COL9A3: variants seen among roughly 807,000 people sequenced by gnomAD.
COL9A3 encodes the protein collagen type IX alpha 3 chain.
COL9A3 carries 82 observed loss-of-function variants against 110.2 expected under a neutral mutation model. The ratio of observed to expected loss-of-function variants is 0.74; its 90% confidence interval spans 0.62 to 0.89. The LOEUF is 0.89. COL9A3 is among the 40% of genes least tolerant of loss of function. COL9A3 has a pLI of 0.00. For missense variants in COL9A3, 1,066 were observed against 981.3 expected (o/e 1.09, Z -1.15); for synonymous variants, 494 against 403.8 (o/e 1.22, Z -2.68).
At chr20:62,819,494 C>T (rs1315701421) in intron 4 of COL9A3, among the ~76,000 whole-genome samples, 1 of 152,254 alleles carries the variant, frequency 6.6e-6, no homozygotes, top group Non-Finnish European at 1.5e-5. Flanking sequence ...CAGAGCCAGC[C>T]CAGTGGAGTC....
At position 62,818,680 on chromosome 20, in the gene COL9A3, A is replaced by G. The variant is rs1219516515; in HGVS notation, c.183+127A>G. ...CCCGGGTTGCCTGAGGGGAGGCCTC[A>G]GAGGGCTTGGAGCAGGCCTGGAGCC... On this transcript the variant is annotated intron_variant, in intron 3 of 31. Coordinates refer to ENST00000649368, the MANE Select transcript of COL9A3 (RefSeq NM_001853.4). 3 of 988,174 alleles carry G rather than the reference A, an allele frequency of 3.0e-6. No individual in the cohort carries two copies. The African/African-American group carries it at 4.8e-5, about 16-fold the overall frequency. The allele number at this position is 988,174 out of a possible 1,614,324, so 61.2% of individuals were successfully genotyped here. A position where few individuals can be genotyped will look rare whatever the true frequency, so the allele number is the denominator to read the frequency against.
rs1158418621 is a variant in COL9A3 at position 62,837,258 on chromosome 20, G to T, written c.1779G>T (p.Gly593=). ...RGPTGELGDP[G]PRGNQGDRGD... is the part of the protein sequence containing the mutation. ...CCACTGGGGAGCTGGGAGACCCCGG[G>T]CCCAGAGGTGAGTGTTTGACCCCAT... The change falls in exon 30 of 32, where the codon GGG becomes GGT. Residue 593 remains glycine, a synonymous_variant. Coordinates refer to ENST00000649368, the MANE Select transcript of COL9A3 (RefSeq NM_001853.4). The T allele has an allele frequency of 6.2e-7, 1 of 1,609,968 alleles. No individual in the cohort carries two copies.
intron 10 of COL9A3, among the ~76,000 whole-genome samples, 165 bp from the exon 11 acceptor site, chr20:62,824,280 C>CCG (rs756587175): frequency 4.8e-5 from 7 of 144,786 alleles, no homozygotes; most frequent in Non-Finnish European, 1.1e-4. Flanking sequence ...GGTCCCGTCA[C>CCG]TGATGCGGAG....
intron 30 of COL9A3, among the ~76,000 whole-genome samples, chr20:62,838,323 C>T (rs1192505562): frequency 6.6e-6 from 1 of 152,224 alleles, no homozygotes; most frequent in East Asian, 1.9e-4. Flanking sequence ...CAGACCTGCA[C>T]AGCCTGTTAC....
intron 5 of COL9A3, 31 bp from the exon 6 acceptor site, chr20:62,821,150 C>G (rs1402742714): frequency 1.9e-6 from 3 of 1,611,120 alleles, no homozygotes; most frequent in Non-Finnish European, 1.7e-6. Context: ...AGAGGCCCAG[C>G]CCAACCTAGA....
chr20:62,832,959 G>T, intron 25 of COL9A3, 61 bp from the exon 26 acceptor site: 1 of 1,442,834 alleles, frequency 6.9e-7, no homozygotes, highest in Non-Finnish European at 9.8e-7. Flanking sequence ...GGGACTTTAA[G>T]GCATGAAGTC....
chr20:62,817,399 G>T, intron 1 of COL9A3, 168 bp from the exon 2 acceptor site: 1 of 563,108 alleles, frequency 1.8e-6, no homozygotes. Flanking sequence ...GGAGGGAGGC[G>T]GGGGACACAC....
intron 24 of COL9A3, chr20:62,831,457 A>G: frequency 6.5e-6 from 1 of 153,346 alleles, no homozygotes; most frequent in East Asian, 1.9e-4. Context: ...CCGTCATTCC[A>G]GGGTGATGGT....
chr20:62,822,793 A>G (rs1324198364), intron 10 of COL9A3, among the ~76,000 whole-genome samples, 161 bp downstream of exon 10: 1 of 151,896 alleles, frequency 6.6e-6, no homozygotes, highest in Non-Finnish European at 1.5e-5. Flanking sequence ...ACAACCTGGC[A>G]GAGAGGCTGG....
chr20:62,819,378 C>T (rs1009870841), intron 4 of COL9A3, 85 bp downstream of exon 4: 4 of 1,327,444 alleles, frequency 3.0e-6, no homozygotes, highest in Admixed American at 1.9e-5. Flanking sequence ...TGTTGTCCAG[C>T]TGGGCCTGCT....
At chr20:62,834,728 T>C (rs182540286) in intron 26 of COL9A3, among the ~76,000 whole-genome samples, 139 of 152,202 alleles carry the variant, frequency 9.1e-4, no homozygotes, top group Admixed American at 7.7e-3. Flanking sequence ...CTGCAATCTC[T>C]GCCTCCTGCG....
At chr20:62,822,966 G>A (rs2063523294) in intron 10 of COL9A3, among the ~76,000 whole-genome samples, 1 of 152,234 alleles carries the variant, frequency 6.6e-6, no homozygotes, top group African/African-American at 2.4e-5. Context: ...GGCGCCCTTG[G>A]CCACAGATGG....
At chr20:62,821,447 G>A in intron 6 of COL9A3, 60 bp from the exon 7 acceptor site, 1 of 1,607,920 alleles carries the variant, frequency 6.2e-7, no homozygotes, top group Non-Finnish European at 8.5e-7. Context: ...ATCTTAGGGA[G>A]GGGTGAGGCG....
intron 22 of COL9A3, among the ~76,000 whole-genome samples, chr20:62,830,056 G>C (rs112287677): frequency 2.6e-5 from 4 of 152,260 alleles, no homozygotes; most frequent in African/African-American, 9.6e-5. Context: ...CCAGCCTTGT[G>C]CCCCCATAGA....
rs770102448 is a variant in COL9A3, at chr20:62,827,233, C to T, written c.793-8C>T. The T allele has an allele frequency of 6.8e-6, 11 of 1,613,172 alleles. No individual in the cohort carries two copies. Among genetic ancestry groups the T allele is most frequent in the East Asian group, 2.2e-5 (1 of 44,892 alleles). ...AACTCTGTCCCTGCCCCACCTCATC[C>T]TTTCCAGGGTGACCGAGGCGAGAGG... On this transcript the variant is annotated splice_region_variant and splice_polypyrimidine_tract_variant and intron_variant, in intron 15 of 31. Transcript: ENST00000649368.
intron 10 of COL9A3, among the ~76,000 whole-genome samples, chr20:62,822,919 C>T (rs1285349119): frequency 6.6e-6 from 1 of 152,212 alleles, no homozygotes; most frequent in East Asian, 1.9e-4. Context: ...ACAATCATGT[C>T]ACAGAGCCAT....
Position 62,819,290 on chromosome 20 carries a change from G to A in COL9A3, c.252G>A (p.Val84=), listed in dbSNP as rs1358998092. 6.8e-6 allele frequency: 11 copies of A among 1,609,062 alleles called. No individual in the cohort carries two copies. The highest frequency in any genetic ancestry group is 9.3e-6 in the Non-Finnish European group (11 of 1,178,956). Residue 84 remains valine, a synonymous_variant, in exon 4 of 32, where the codon GTG becomes GTA. Coordinates refer to ENST00000649368, the MANE Select transcript of COL9A3 (RefSeq NM_001853.4). ...CTGGGCTGCCGGGACTGCCGGGTGT[G>A]GATGTGAGTGCGCCTGCCCCTCCCC... is the stretch of plus-strand genomic sequence containing the variant. ...GEAGLPGLPG[V]DGLTGRDGPP... is the part of the protein sequence containing the mutation.
intron 12 of COL9A3, 176 bp from the exon 13 acceptor site, chr20:62,825,641 C>A: frequency 1.5e-6 from 1 of 687,948 alleles, no homozygotes. Context: ...GCCACCGAGA[C>A]TCGCGGGACT....
At chr20:62,821,142 A>G in intron 5 of COL9A3, 39 bp from the exon 6 acceptor site, 3 of 1,608,938 alleles carry the variant, frequency 1.9e-6, no homozygotes, top group Non-Finnish European at 2.5e-6. Flanking sequence ...TTGCAAATAG[A>G]GGCCCAGCCC....
Sources: allele counts gnomAD v4.1 joint callset (sites outside exome capture counted in the v4.1 genomes callset), GRCh38; gene constraint gnomAD v4.1.1; transcripts MANE v1.5; gene names NCBI Gene and HGNC (gene_info 2026-07-23, HGNC 2026-07-21).